Variants in FAF1 observed in about 807,000 individuals in gnomAD.
FAF1 encodes Fas associated factor 1, also known as FAS-associated factor 1.
In FAF1, 25 loss-of-function variants were observed where a neutral mutation model predicts 92.5. That is an observed-to-expected ratio of 0.27 (90% CI 0.20 to 0.38). The LOEUF is 0.38. Ranked by LOEUF, FAF1 falls within the 10% of genes least tolerant of loss-of-function variation. The pLI is 1.00. For missense variants in FAF1, 636 were observed against 793.3 expected, an observed-to-expected ratio of 0.80 and a Z score of 2.38; for synonymous variants, 234 against 273.2, an observed-to-expected ratio of 0.86 and a Z score of 1.42.
intron 15 of FAF1, among the ~76,000 whole-genome samples, chr1:50,506,788 G>A (rs1647064267): frequency 6.6e-6 from 1 of 151,792 alleles, no homozygotes; most frequent in Admixed American, 6.6e-5. Context: ...CAGAAAAGAG[G>A]AAAGAAAAGA....
intron 1 of FAF1, among the ~76,000 whole-genome samples, chr1:50,914,158 A>C (rs2124725331): frequency 6.6e-6 from 1 of 152,332 alleles, no homozygotes; most frequent in South Asian, 2.1e-4. Context: ...TGACTCAGCC[A>C]AACTCTTATT....
chr1:50,785,522 GAA>G (rs1025419751), intron 4 of FAF1, among the ~76,000 whole-genome samples: 36 of 151,158 alleles, frequency 2.4e-4, no homozygotes, highest in African/African-American at 8.0e-4. Flanking sequence ...ACAGGTATAT[GAA>G]AAGATACTCA....
At chr1:50,591,279 C>T (rs1184513427) in intron 9 of FAF1, among the ~76,000 whole-genome samples, 3 of 152,150 alleles carry the variant, frequency 2.0e-5, no homozygotes, top group African/African-American at 7.2e-5. Flanking sequence ...CCTGATTTCT[C>T]TGTCTTCTGT....
intron 18 of FAF1, among the ~76,000 whole-genome samples, chr1:50,464,871 C>G (rs892760819): frequency 1.3e-5 from 2 of 152,176 alleles, no homozygotes. Context: ...AGCATTAGAA[C>G]AAAGATCTGT....
chr1:50,660,513 T>TC (rs1655326125), intron 7 of FAF1, among the ~76,000 whole-genome samples: 1 of 151,242 alleles, frequency 6.6e-6, no homozygotes, highest in East Asian at 1.9e-4. Context: ...TTTTTTTTTT[T>TC]CCCAAGACAG....
chr1:50,538,206 A>G (rs1648581691), intron 14 of FAF1, among the ~76,000 whole-genome samples: 2 of 152,034 alleles, frequency 1.3e-5, no homozygotes, highest in Admixed American at 6.6e-5. Context: ...AATAATTTCT[A>G]TAAGAAATAA....
intron 15 of FAF1, among the ~76,000 whole-genome samples, chr1:50,523,670 C>A (rs1647629162): frequency 6.6e-6 from 1 of 152,178 alleles, no homozygotes; most frequent in East Asian, 1.9e-4. Flanking sequence ...GGATATTAAA[C>A]CCTTATCAGA....
chr1:50,626,189 T>C (rs1250407559), intron 8 of FAF1, among the ~76,000 whole-genome samples: 2 of 152,214 alleles, frequency 1.3e-5, no homozygotes, highest in South Asian at 2.1e-4. Context: ...TGTCATCTTA[T>C]TTAAACTGAC....
At chr1:50,588,604 G>T (rs1157184054) in intron 9 of FAF1, among the ~76,000 whole-genome samples, 1 of 152,198 alleles carries the variant, frequency 6.6e-6, no homozygotes, top group Non-Finnish European at 1.5e-5. Context: ...AGTGGTGTGT[G>T]TGTGTGGTGA....
rs556962277 is a variant in FAF1 at position 50,602,362 on chromosome 1, T to C, written c.745-6146A>G. Among the ~76,000 whole-genome samples the C allele has an allele frequency of 2.0e-5, 3 of 152,310 alleles. No homozygotes were observed. The South Asian group carries it at 6.2e-4, about 32-fold the overall frequency. ...CTGACTACACTGCACTGATGATCTT[T>C]TTAATCTGTGTATTTGTATGTCAAG... On this transcript the variant is annotated intron_variant, in intron 8 of 18. Coordinates refer to ENST00000396153, the MANE Select transcript of FAF1 (RefSeq NM_007051.3).
At chr1:50,610,627 T>G (rs543904554) in intron 8 of FAF1, among the ~76,000 whole-genome samples, 46 of 152,344 alleles carry the variant, frequency 3.0e-4, no homozygotes, top group African/African-American at 1.1e-3. Context: ...GTGCTTATTT[T>G]ATCTCCCCAC....
chr1:50,529,930 A>G (rs1408780619), intron 15 of FAF1, among the ~76,000 whole-genome samples: 1 of 152,178 alleles, frequency 6.6e-6, no homozygotes, highest in African/African-American at 2.4e-5. Flanking sequence ...CAGAAAGGAG[A>G]AAAATCACTG....
rs921544551 is a variant in FAF1 at position 50,724,308 on chromosome 1, C to CACATACAT, written c.551+14554_551+14555insATGTATGT. 1.6e-4 allele frequency among the ~76,000 whole-genome samples: 23 copies of CACATACAT among 140,170 alleles called. No homozygotes were observed. In the South Asian group the frequency reaches 3.6e-3, roughly 22 times the overall value. The allele number at this position is 140,170 out of a possible 152,430, so 92.0% of individuals were successfully genotyped here. A position where few individuals can be genotyped will look rare whatever the true frequency, so the allele number is the denominator to read the frequency against. On this transcript the variant is annotated intron_variant, in intron 6 of 18. Coordinates refer to ENST00000396153, the MANE Select transcript of FAF1 (RefSeq NM_007051.3). ...ACACACACACACATACACACACACACACACACACACACACACACACACCCC... is the reference window on the plus strand; with the variant it reads ...ACACACACACACATACACACACACACACATACATACACACACACACACACACACACCCC...
chr1:50,479,272 G>C (rs1164549903), intron 17 of FAF1, among the ~76,000 whole-genome samples: 1 of 151,088 alleles, frequency 6.6e-6, no homozygotes, highest in East Asian at 1.9e-4. Context: ...TTCCTCTCTG[G>C]ATCACGCCAG....
chr1:50,943,870 A>G (rs1645153507), intron 1 of FAF1, among the ~76,000 whole-genome samples: 1 of 152,248 alleles, frequency 6.6e-6, no homozygotes, highest in Non-Finnish European at 1.5e-5. Context: ...CACATGGTAC[A>G]TCGGAAAAGA....
chr1:50,931,888 AAATAATAATAATAATAATAATAAT>A (rs201964842), intron 1 of FAF1, among the ~76,000 whole-genome samples: 1 of 129,502 alleles, frequency 7.7e-6, no homozygotes, highest in African/African-American at 2.9e-5. Flanking sequence ...ATAAATAAAT[AAATAATAATAATAATAATAATAAT>A]AATAATAATA....
At chr1:50,956,193 G>C (rs1645265505) in intron 1 of FAF1, among the ~76,000 whole-genome samples, 1 of 151,948 alleles carries the variant, frequency 6.6e-6, no homozygotes, top group Non-Finnish European at 1.5e-5. Flanking sequence ...AACAGATTGG[G>C]GGAGGATTTT....
In FAF1 at chr1:50,659,479, A is replaced by C. The variant is rs901735087; in HGVS notation, c.658-3951T>G. On this transcript the variant is annotated intron_variant, in intron 7 of 18. Transcript: ENST00000396153. ...GCAGTGGCTGGCATGCCCAGCTGCC[A>C]ATATTGTGTTGCTTCTGACGGAGTT... is the stretch of plus-strand genomic sequence containing the variant. 2.3e-4 allele frequency among the ~76,000 whole-genome samples: 35 copies of C among 152,156 alleles called. 1 individual carries two copies. Among genetic ancestry groups the C allele is most frequent in the Admixed American group, 2.2e-3 (33 of 15,270 alleles).
At chr1:50,462,280 A>G (rs1646442685) in intron 18 of FAF1, 1 of 151,922 alleles carries the variant, frequency 6.6e-6, no homozygotes, top group South Asian at 2.1e-4. Flanking sequence ...TTTTATATCG[A>G]TTTTTAAATG....
Sources: allele counts gnomAD v4.1 joint callset (sites outside exome capture counted in the v4.1 genomes callset), GRCh38; gene constraint gnomAD v4.1.1; transcripts MANE v1.5; gene names NCBI Gene and HGNC (gene_info 2026-07-23, HGNC 2026-07-21).